NBPF15: variants seen among roughly 807,000 people sequenced by gnomAD.
NBPF15 encodes the protein NBPF family member NBPF15.
Under a neutral mutation model 62.2 loss-of-function variants are expected in NBPF15, and 74 were observed. The observed-to-expected ratio is 1.19, with a 90% CI of 0.99 to 1.44. The LOEUF (loss-of-function observed/expected upper bound fraction) is 1.44. Among genes scored for constraint, NBPF15 ranks in the 40% most tolerant of loss-of-function variants. NBPF15 has a pLI of 0.00. For missense variants in NBPF15, 790 were observed against 550.0 expected, an observed-to-expected ratio of 1.44 and a Z score of -4.36; for synonymous variants, 244 against 209.7, an observed-to-expected ratio of 1.16 and a Z score of -1.41.
intron 6 of NBPF15, among the ~76,000 whole-genome samples, chr1:144,444,343 A>G: frequency 6.6e-6 from 1 of 151,442 alleles, no homozygotes; most frequent in Middle Eastern, 3.4e-3. Flanking sequence ...AGTTTTGCCT[A>G]GGTTTTTCCT....
intron 6 of NBPF15, among the ~76,000 whole-genome samples, chr1:144,445,160 C>T (rs1360464621): frequency 6.6e-6 from 1 of 150,438 alleles, no homozygotes; most frequent in Non-Finnish European, 1.5e-5. Context: ...CATGTATCTT[C>T]TTTTCTGAAG....
chr1:144,433,115 T>A (rs1363458692), intron 13 of NBPF15, among the ~76,000 whole-genome samples: 2 of 152,014 alleles, frequency 1.3e-5, no homozygotes, highest in Admixed American at 1.3e-4. Flanking sequence ...CAGACCACAG[T>A]GCCATCAAAT....
intron 16 of NBPF15, 23 bp downstream of exon 16, chr1:144,427,795 C>A: frequency 1.5e-6 from 1 of 668,492 alleles, no homozygotes; most frequent in Non-Finnish European, 2.7e-6. Flanking sequence ...GGATCCTTAT[C>A]ACCTTCATAG....
At chr1:144,424,125 G>T (rs1451078088) in intron 20 of NBPF15, 150 bp from the exon 21 acceptor site, 5 of 726,386 alleles carry the variant, frequency 6.9e-6, no homozygotes, top group African/African-American at 1.7e-5. Context: ...TCTGAAGGCT[G>T]GTCATGATAT....
Position 144,423,025 on chromosome 1 carries a change from T to C in NBPF15, c.2001A>G (p.Ile667Met). ...TAGTAAGAGCTGCTTATTGTGGGAA[T>C]ATGACTCCCATCTGGAACACCAGGT... ...SLHLVFQMGV[I>M]FPQ Residue 667 changes from isoleucine to methionine, a missense_variant, in exon 22 of 22, where the codon ATA becomes ATG. Coordinates refer to ENST00000581897, the MANE Select transcript of NBPF15 (RefSeq NM_001385408.1). 1 of 1,611,622 alleles carries C rather than the reference T, an allele frequency of 6.2e-7. No individual in the cohort carries two copies. The highest frequency in any genetic ancestry group is 1.7e-5 in the Admixed American group (1 of 59,966).
chr1:144,431,569 T>A (rs1477094141), intron 13 of NBPF15, among the ~76,000 whole-genome samples: 7 of 147,778 alleles, frequency 4.7e-5, no homozygotes, highest in Admixed American at 6.8e-5. Context: ...TGTATACATG[T>A]CCACATTGGT....
chr1:144,423,789 T>A (rs1219666817), intron 21 of NBPF15, 81 bp downstream of exon 21: 2 of 730,638 alleles, frequency 2.7e-6, no homozygotes, highest in African/African-American at 3.5e-5. Context: ...AAACATGACA[T>A]CAAACACACT....
Position 144,444,826 on chromosome 1 carries a change from G to A in NBPF15, c.-191+3949C>T, listed in dbSNP as rs1380222376. 1.2e-4 allele frequency among the ~76,000 whole-genome samples: 19 copies of A among 152,010 alleles called. No individual in the cohort carries two copies. In the South Asian group the frequency reaches 1.5e-3, roughly 12 times the overall value. On this transcript the variant is annotated intron_variant, in intron 6 of 21. Coordinates refer to ENST00000581897, the MANE Select transcript of NBPF15 (RefSeq NM_001385408.1). ...ACTGAGCCACGAGAAATAGCAGCCC[G>A]CCCCTCAGGTTGGTCTGGAAACACA...
In NBPF15 at chr1:144,439,886, C is replaced by G; in HGVS notation, c.118G>C (p.Glu40Gln). Residue 40 changes from glutamate (E) to glutamine (Q), a missense_variant, in exon 8 of 22, where the codon GAG becomes CAG. Coordinates refer to ENST00000581897, the MANE Select transcript of NBPF15 (RefSeq NM_001385408.1). ...GCCAGTTGAGTTAGAAAACATTTCT[C>G]TTTGAGGTTTCTGAACTGCTGTTTC... The part of the protein sequence containing the change: ...EKKQQFRNLK[E>Q]KCFLTQLAGF... 1.2e-6 allele frequency: 2 copies of G among 1,611,160 alleles called. No homozygotes were observed. The highest frequency in any genetic ancestry group is 4.5e-5 in the East Asian group (2 of 44,850).
rs1670689678 is a variant in NBPF15, at chr1:144,427,612, G to T, written c.1213+206C>A. On this transcript the variant is annotated intron_variant, in intron 16 of 21. Coordinates refer to ENST00000581897, the MANE Select transcript of NBPF15 (RefSeq NM_001385408.1). ...GATTAGGGCGCCACAGGCATGGCCT[G>T]AGACTAGGAAGAGAGCCTTGCTCAC... Among the ~76,000 whole-genome samples, 2 of 145,830 alleles carry T rather than the reference G, an allele frequency of 1.4e-5. 1 individual carries two copies. The highest frequency in any genetic ancestry group is 5.5e-5 in the African/African-American group (2 of 36,122).
At chr1:144,442,196 TATATATATTATTAATATATATA>T (rs1683758072) in intron 6 of NBPF15, among the ~76,000 whole-genome samples, 1 of 105,834 alleles carries the variant, frequency 9.4e-6, no homozygotes, top group African/African-American at 4.5e-5. Flanking sequence ...TATACACGTG[TATATATATTATTAATATATATA>T]ATATATATAT....
intron 6 of NBPF15, among the ~76,000 whole-genome samples, chr1:144,442,174 A>ACG (rs1683665606): frequency 1.8e-5 from 2 of 111,156 alleles, no homozygotes; most frequent in African/African-American, 7.8e-5. Flanking sequence ...ATATATATAT[A>ACG]TATATAATAT....
At position 144,439,886 on chromosome 1, in the gene NBPF15, C is replaced by T; in HGVS notation, c.118G>A (p.Glu40Lys). 2 of 1,611,160 alleles carry T rather than the reference C, an allele frequency of 1.2e-6. No individual in the cohort carries two copies. Among genetic ancestry groups the T allele is most frequent in the Non-Finnish European group, 1.7e-6 (2 of 1,179,054 alleles). Reference sequence around the variant, plus strand: ...GCCAGTTGAGTTAGAAAACATTTCTCTTTGAGGTTTCTGAACTGCTGTTTC... The same window carrying T: ...GCCAGTTGAGTTAGAAAACATTTCTTTTTGAGGTTTCTGAACTGCTGTTTC... ...EKKQQFRNLK[E>K]KCFLTQLAGF... Residue 40 changes from glutamate (E) to lysine (K), a missense_variant, in exon 8 of 22, where the codon GAG becomes AAG. Glu to Lys is a moderately conservative substitution (Grantham distance 56, BLOSUM62 1). Coordinates refer to ENST00000581897, the MANE Select transcript of NBPF15 (RefSeq NM_001385408.1).
chr1:144,434,409 G>C (rs1272587398), intron 12 of NBPF15, among the ~76,000 whole-genome samples: 34 of 147,864 alleles, frequency 2.3e-4, no homozygotes, highest in Non-Finnish European at 2.7e-4. Context: ...GCTGAGGCAG[G>C]AGAATCACTT....
chr1:144,432,110 C>T (rs1453647245), intron 13 of NBPF15, among the ~76,000 whole-genome samples: 4 of 152,094 alleles, frequency 2.6e-5, no homozygotes, highest in African/African-American at 4.8e-5. Flanking sequence ...GTCCCACCAA[C>T]AGTGTAAAAG....
chr1:144,455,843 C>G (rs1215087781), intron 4 of NBPF15, among the ~76,000 whole-genome samples: 4 of 151,864 alleles, frequency 2.6e-5, no homozygotes. Context: ...GTCTCTAGCC[C>G]AGAGCAGGGC....
At chr1:144,457,544 G>C (rs1285866944) in intron 3 of NBPF15, among the ~76,000 whole-genome samples, 1 of 151,940 alleles carries the variant, frequency 6.6e-6, no homozygotes, top group Non-Finnish European at 1.5e-5. Flanking sequence ...GTTGAATATG[G>C]TATTAGTATG....
chr1:144,443,889 T>C (rs1685324906), intron 6 of NBPF15, among the ~76,000 whole-genome samples: 1 of 150,778 alleles, frequency 6.6e-6, no homozygotes, highest in African/African-American at 2.4e-5. Context: ...CCAAAGTTTC[T>C]TGTACCCCTT....
rs1571177367 is a variant in NBPF15, at chr1:144,461,422, T to C, written c.-979A>G. ...CGCGGCGCCTTCACCTCGGAAACGCTGGGTGGACTTCGCTGTAAACCGTAA... is the reference window on the plus strand; with the variant it reads ...CGCGGCGCCTTCACCTCGGAAACGCCGGGTGGACTTCGCTGTAAACCGTAA... On this transcript the variant is annotated 5_prime_UTR_variant, in exon 1 of 22. Coordinates refer to ENST00000581897, the MANE Select transcript of NBPF15 (RefSeq NM_001385408.1). 6.6e-6 allele frequency: 1 copy of C among 151,964 alleles called. No homozygotes were observed. Among genetic ancestry groups the C allele is most frequent in the African/African-American group, 2.4e-5 (1 of 41,320 alleles). 9.4% of individuals were successfully genotyped at this position (151,964 alleles called of 1,614,324 possible). A position where few individuals can be genotyped will look rare whatever the true frequency, so the allele number is the denominator to read the frequency against.
Sources: gnomAD v4.1 joint callset for allele counts (sites outside exome capture counted in the v4.1 genomes callset) on GRCh38, gnomAD v4.1.1 for gene constraint, MANE v1.5 for transcripts, NCBI Gene and HGNC (gene_info 2026-07-23, HGNC 2026-07-21) for gene names.